The following TMEM121B variants were observed in gnomAD, a reference collection of about 807,000 sequenced individuals.
TMEM121B encodes transmembrane protein 121B.
Under a neutral mutation model 25.1 loss-of-function variants are expected in TMEM121B, and 14 were observed. That is an observed-to-expected ratio of 0.56 (90% CI 0.37 to 0.87). TMEM121B has a LOEUF of 0.87. TMEM121B is among the 40% of genes least tolerant of loss of function. TMEM121B has a pLI of 0.00. For synonymous variants in TMEM121B, 458 were observed against 420.9 expected (o/e 1.09, Z -1.08); for missense variants, 850 against 854.6 (o/e 0.99, Z 0.07).
Position 17,120,023 on chromosome 22 carries a change from C to T in TMEM121B, c.1105G>A (p.Ala369Thr), listed in dbSNP as rs2061490072. ...SVPLLYSLVR[A>T]ISEAGAPPGS... is the part of the protein sequence containing the mutation. The stretch of plus-strand genomic sequence containing the variant: ...GGGGGCGCGCCCGCCTCGCTGATGG[C>T]CCGCACCAAGCTGTAGAGCAGGGGC... Residue 369 changes from alanine (A) to threonine (T), a missense_variant, in exon 1 of 1, where the codon GCC becomes ACC. Physicochemically the swap from Ala to Thr is moderately conservative, Grantham distance 58. Coordinates refer to ENST00000331437, the MANE Select transcript of TMEM121B (RefSeq NM_031890.4). 1.9e-6 allele frequency: 3 copies of T among 1,608,038 alleles called. No individual in the cohort carries two copies. Among genetic ancestry groups the T allele is most frequent in the South Asian group, 1.1e-5 (1 of 90,962 alleles).
chr22:17,119,348 T>A lies in TMEM121B; in HGVS notation c.*43A>T, dbSNP rs1198980077. 6.5e-7 allele frequency: 1 copy of A among 1,537,234 alleles called. No individual in the cohort carries two copies. The highest frequency in any genetic ancestry group is 2.3e-5 in the Admixed American group (1 of 43,904). ...GACAGAAGGTAGAAGACAAGGGGGT[T>A]GGGGACTCTCAACCCAAAAACAAGG... On this transcript the variant is annotated 3_prime_UTR_variant, in exon 1 of 1. Transcript: ENST00000331437.
chr22:17,120,817 G>T lies in TMEM121B; in HGVS notation c.311C>A (p.Ala104Asp), dbSNP rs1044504768. The stretch of plus-strand genomic sequence containing the variant: ...GGCGACAGGCGCGGGGCCGGCGGGG[G>T]CGCCCACCTGAGCCGGCGGCCCCAG... Reference protein sequence around the residue: ...ALLGPPAQVGAPAGPAPVAFS... With the variant: ...ALLGPPAQVGDPAGPAPVAFS... Residue 104 changes from alanine (A) to aspartate (D), a missense_variant, in exon 1 of 1, where the codon GCC (alanine) becomes GAC (aspartate). Physicochemically the swap from Ala to Asp is moderately radical, Grantham distance 126. Coordinates refer to ENST00000331437, the MANE Select transcript of TMEM121B (RefSeq NM_031890.4). 6.2e-5 allele frequency: 78 copies of T among 1,250,384 alleles called. No homozygotes were observed. The highest frequency in any genetic ancestry group is 7.7e-5 in the Non-Finnish European group (77 of 999,218). 77.5% of individuals were successfully genotyped at this position (1,250,384 alleles called of 1,614,324 possible).
At position 17,118,476 on chromosome 22, in the gene TMEM121B, A is replaced by G. The variant is rs1211959505; in HGVS notation, c.*915T>C. 1 of 152,686 alleles carries G rather than the reference A, an allele frequency of 6.5e-6. No homozygotes were observed. The highest frequency in any genetic ancestry group is 1.5e-5 in the Non-Finnish European group (1 of 68,056). The allele number at this position is 152,686 out of a possible 1,614,324, so 9.5% of individuals were successfully genotyped here. Reference sequence around the variant, plus strand: ...GCCAAGCCAATGGCTGATACTCCGCAGACCCTGTAATAACACTGGCACCAA... The same window carrying G: ...GCCAAGCCAATGGCTGATACTCCGCGGACCCTGTAATAACACTGGCACCAA... On this transcript the variant is annotated 3_prime_UTR_variant, in exon 1 of 1. Coordinates refer to ENST00000331437, the MANE Select transcript of TMEM121B (RefSeq NM_031890.4).
Position 17,119,626 on chromosome 22 carries a change from A to G in TMEM121B, c.1502T>C (p.Leu501Pro), listed in dbSNP as rs2061486225. ...GCAGCCGAGGAAGAAGAGGTTCTTG[A>G]GCATGAAGATGGAGAGGGGCTGCTG... The part of the protein sequence containing the change: ...SYQQPLSIFM[L>P]KNLFFLGCRG... The change falls in exon 1 of 1, where the codon CTC (leucine) becomes CCC (proline). Residue 501 changes from leucine to proline, a missense_variant. By Grantham distance (98) the Leu-to-Pro change is moderately conservative. Transcript: ENST00000331437. 2 of 1,541,930 alleles carry G rather than the reference A, an allele frequency of 1.3e-6. No homozygotes were observed. The highest frequency in any genetic ancestry group is 1.7e-6 in the Non-Finnish European group (2 of 1,149,404).
In TMEM121B at chr22:17,119,440, C is replaced by T; in HGVS notation, c.1688G>A (p.Gly563Glu). Residue 563 changes from glycine to glutamate, a missense_variant, in exon 1 of 1, where the codon GGG (glycine) becomes GAG (glutamate). Gly to Glu is a moderately conservative substitution (Grantham distance 98). Coordinates refer to ENST00000331437, the MANE Select transcript of TMEM121B (RefSeq NM_031890.4). Reference sequence around the variant, plus strand: ...GGTGTTGACATAGCCATGAGCACCCCCCTCGTTCTCCGAGATGCAGTGGCC... The same window carrying T: ...GGTGTTGACATAGCCATGAGCACCCTCCTCGTTCTCCGAGATGCAGTGGCC... The part of the protein sequence containing the change: ...QLGHCISENE[G>E]GAHGYVNTLA... 6.2e-7 allele frequency: 1 copy of T among 1,608,806 alleles called. No individual in the cohort carries two copies. The highest frequency in any genetic ancestry group is 8.5e-7 in the Non-Finnish European group (1 of 1,177,698).
chr22:17,120,849 G>C lies in TMEM121B; in HGVS notation c.279C>G (p.Ala93=), dbSNP rs1057448017. ...LSVSKPLVPN[A]ALLGPPAQVG... is the part of the protein sequence containing the mutation. ...CCTGAGCCGGCGGCCCCAGGAGCGC[G>C]GCGTTGGGCACCAGCGGCTTGCTGA... Residue 93 remains alanine (A), a synonymous_variant, in exon 1 of 1, where the codon GCC becomes GCG. Transcript: ENST00000331437. The C allele has an allele frequency of 4.9e-5, 64 of 1,302,614 alleles. No homozygotes were observed. The highest frequency in any genetic ancestry group is 6.1e-5 in the Non-Finnish European group (63 of 1,027,842). 80.7% of individuals were successfully genotyped at this position (1,302,614 alleles called of 1,614,324 possible). A position where few individuals can be genotyped will look rare whatever the true frequency, so the allele number is the denominator to read the frequency against.
At position 17,120,213 on chromosome 22, in the gene TMEM121B, G is replaced by A. The variant is rs772374920; in HGVS notation, c.915C>T (p.Ala305=). The change falls in exon 1 of 1, where the codon GCC becomes GCT. Residue 305 remains alanine (A), a synonymous_variant. Transcript: ENST00000331437. ...CGAAGGCGAACTCGCCCGCTGCCGCGGCCGCCCCCAGGCCGCCCCCCGCGC... is the reference window on the plus strand; with the variant it reads ...CGAAGGCGAACTCGCCCGCTGCCGCAGCCGCCCCCAGGCCGCCCCCCGCGC... ...AGGAGGGLGA[A]AAAGEFAFAY... 10 of 1,479,162 alleles carry A rather than the reference G, an allele frequency of 6.8e-6. No homozygotes were observed. Among genetic ancestry groups the A allele is most frequent in the Admixed American group, 4.3e-5 (2 of 46,856 alleles). 91.6% of individuals were successfully genotyped at this position (1,479,162 alleles called of 1,614,324 possible). A position where few individuals can be genotyped will look rare whatever the true frequency, so the allele number is the denominator to read the frequency against.
chr22:17,120,587 G>C lies in TMEM121B; in HGVS notation c.541C>G (p.Pro181Ala), dbSNP rs914641222. Residue 181 changes from proline (P) to alanine (A), a missense_variant, in exon 1 of 1, where the codon CCC becomes GCC. Physicochemically the swap from Pro to Ala is conservative, Grantham distance 27 (BLOSUM62 -1). Coordinates refer to ENST00000331437, the MANE Select transcript of TMEM121B (RefSeq NM_031890.4). ...CCGCGGCGCCGACCTCTGCGGCCGGGGCGGTCTGGGCAGCCGCAGCAGCAG... is the reference window on the plus strand; with the variant it reads ...CCGCGGCGCCGACCTCTGCGGCCGGCGCGGTCTGGGCAGCCGCAGCAGCAG... ...CCCCCGCPDRPGRRGRRRGCA... is the reference protein window; with the variant it reads ...CCCCCGCPDRAGRRGRRRGCA... 3.5e-6 allele frequency: 5 copies of C among 1,429,628 alleles called. No individual in the cohort carries two copies. The African/African-American group carries it at 7.4e-5, about 21-fold the overall frequency. 88.6% of individuals were successfully genotyped at this position (1,429,628 alleles called of 1,614,324 possible).
rs752897099 is a variant in TMEM121B at position 17,120,968 on chromosome 22, GGCTGGTGCTGGT to G, written c.148_159del (p.Thr50_Ser53del). On this transcript the variant is annotated inframe_deletion, in exon 1 of 1. Transcript: ENST00000331437. ...CCGCGTCTGCCGCCGCCTCCCCCGC[GGCTGGTGCTGGT>G]GCTGGTGCTGCTGTCGCCGGAGCCT... The G allele has an allele frequency of 1.1e-5, 16 of 1,429,422 alleles. No individual in the cohort carries two copies. In the African/African-American group the frequency reaches 2.2e-4, roughly 20 times the overall value. The allele number at this position is 1,429,422 out of a possible 1,614,324, so 88.5% of individuals were successfully genotyped here.
rs2061490843 is a variant in TMEM121B, at chr22:17,120,114, T to C, written c.1014A>G (p.Leu338=). ...KVVLILGTSI[L]DLIELRAPFG... ...AGGGCGCGCGTAGCTCGATGAGGTC[T>C]AGGATGGACGTGCCCAGGATCAGCA... Residue 338 remains leucine, a synonymous_variant, in exon 1 of 1, where the codon CTA becomes CTG. Transcript: ENST00000331437. 6.2e-7 allele frequency: 1 copy of C among 1,611,524 alleles called. No individual in the cohort carries two copies. The highest frequency in any genetic ancestry group is 8.5e-7 in the Non-Finnish European group (1 of 1,179,584).
rs2061476940 is a variant in TMEM121B at position 17,117,797 on chromosome 22, C to T, written c.*1594G>A. The T allele has an allele frequency of 2.0e-5, 3 of 152,186 alleles. No homozygotes were observed. The South Asian group carries it at 6.2e-4, about 31-fold the overall frequency. 9.4% of individuals were successfully genotyped at this position (152,186 alleles called of 1,614,324 possible). ...AAATTACCTTCAACCTTAGAGATCA[C>T]TCATCTAACTTCTACTTTTTTAATG... is the stretch of plus-strand genomic sequence containing the variant. On this transcript the variant is annotated 3_prime_UTR_variant, in exon 1 of 1. Transcript: ENST00000331437.
rs776148578 is a variant in TMEM121B at position 17,119,991 on chromosome 22, C to G, written c.1137G>C (p.Ser379=). ...GGGGCTGCAGCAGCAGGGGTCCTGC[C>G]GATCCCGGGGGCGCGCCCGCCTCGC... ...AISEAGAPPG[S]AGPLLLQPQR... The change falls in exon 1 of 1, where the codon TCG becomes TCC. Residue 379 remains serine, a synonymous_variant. Transcript: ENST00000331437. 1.9e-6 allele frequency: 3 copies of G among 1,596,408 alleles called. No individual in the cohort carries two copies. The highest frequency in any genetic ancestry group is 1.1e-5 in the South Asian group (1 of 90,156).
rs1286215548 is a variant in TMEM121B, at chr22:17,117,116, T to A, written c.*2275A>T. On this transcript the variant is annotated 3_prime_UTR_variant, in exon 1 of 1. Coordinates refer to ENST00000331437, the MANE Select transcript of TMEM121B (RefSeq NM_031890.4). Reference sequence around the variant, plus strand: ...TCCTTTCACAGTCACTGAGATTAGGTAGCAGAGAAACACAGCAAAGCTGGA... The same window carrying A: ...TCCTTTCACAGTCACTGAGATTAGGAAGCAGAGAAACACAGCAAAGCTGGA... 4 of 152,570 alleles carry A rather than the reference T, an allele frequency of 2.6e-5. No individual in the cohort carries two copies. The highest frequency in any genetic ancestry group is 5.9e-5 in the Non-Finnish European group (4 of 68,070). 9.5% of individuals were successfully genotyped at this position (152,570 alleles called of 1,614,324 possible).
rs1410685856 is a variant in TMEM121B at position 17,120,029 on chromosome 22, C to T, written c.1099G>A (p.Val367Met). The T allele has an allele frequency of 1.2e-6, 2 of 1,609,126 alleles. No individual in the cohort carries two copies. Among genetic ancestry groups the T allele is most frequent in the South Asian group, 2.2e-5 (2 of 91,012 alleles). ...GCGCCCGCCTCGCTGATGGCCCGCA[C>T]CAAGCTGTAGAGCAGGGGCACCGAC... Reference protein sequence around the residue: ...ALSVPLLYSLVRAISEAGAPP... With the variant: ...ALSVPLLYSLMRAISEAGAPP... Residue 367 changes from valine (V) to methionine (M), a missense_variant, in exon 1 of 1, where the codon GTG becomes ATG. Transcript: ENST00000331437.
rs1250853637 is a variant in TMEM121B at position 17,116,629 on chromosome 22, T to A, written c.*2762A>T. On this transcript the variant is annotated 3_prime_UTR_variant, in exon 1 of 1. Transcript: ENST00000331437. ...CTGTGAACCATGCACGTGCTGGCAC[T>A]GGCCTCAGGAGACAGTGCCCTGCCT... 1.3e-5 allele frequency: 2 copies of A among 152,264 alleles called. No homozygotes were observed. Among genetic ancestry groups the A allele is most frequent in the Non-Finnish European group, 2.9e-5 (2 of 68,050 alleles). 9.4% of individuals were successfully genotyped at this position (152,264 alleles called of 1,614,324 possible).
chr22:17,120,533 C>A lies in TMEM121B; in HGVS notation c.595G>T (p.Gly199Cys). 6.5e-7 allele frequency: 1 copy of A among 1,549,824 alleles called. No individual in the cohort carries two copies. The highest frequency in any genetic ancestry group is 8.7e-7 in the Non-Finnish European group (1 of 1,154,314). ...AGCACCACGGACAGCGCCTGGTAGC[C>A]CCAGCGGCACCTGGGACTGGGGGCG... is the stretch of plus-strand genomic sequence containing the variant. The part of the protein sequence containing the change: ...GCAPSPRCRW[G>C]YQALSVVLLL... Residue 199 changes from glycine (G) to cysteine (C), a missense_variant, in exon 1 of 1, where the codon GGC becomes TGC. Coordinates refer to ENST00000331437, the MANE Select transcript of TMEM121B (RefSeq NM_031890.4).
In TMEM121B at chr22:17,119,736, G is replaced by C; in HGVS notation, c.1392C>G (p.Ser464Arg). ...ASWGQASGPG[S>R]CSRLLRLLGG... is the part of the protein sequence containing the mutation. ...CCAGCAGGCGCAGAAGGCGGCTGCA[G>C]CTGCCAGGCCCGGAGGCCTGGCCCC... The change falls in exon 1 of 1, where the codon AGC (serine) becomes AGG (arginine). Residue 464 changes from serine (S) to arginine (R), a missense_variant. Coordinates refer to ENST00000331437, the MANE Select transcript of TMEM121B (RefSeq NM_031890.4). 1 of 1,546,612 alleles carries C rather than the reference G, an allele frequency of 6.5e-7. No individual in the cohort carries two copies. Among genetic ancestry groups the C allele is most frequent in the Non-Finnish European group, 8.7e-7 (1 of 1,153,320 alleles).
Position 17,119,378 on chromosome 22 carries a change from G to T in TMEM121B, c.*13C>A. ...ACTCTCAACCCAAAAACAAGGACCCGTGCCCTTCACCCTCAATTCTGAGAG... is the reference window on the plus strand; with the variant it reads ...ACTCTCAACCCAAAAACAAGGACCCTTGCCCTTCACCCTCAATTCTGAGAG... On this transcript the variant is annotated 3_prime_UTR_variant, in exon 1 of 1. Coordinates refer to ENST00000331437, the MANE Select transcript of TMEM121B (RefSeq NM_031890.4). 1 of 1,579,578 alleles carries T rather than the reference G, an allele frequency of 6.3e-7. No homozygotes were observed. The highest frequency in any genetic ancestry group is 8.6e-7 in the Non-Finnish European group (1 of 1,164,348).
rs1339149405 is a variant in TMEM121B, at chr22:17,117,965, G to C, written c.*1426C>G. ...TTCCCAAACGTAAGAAGGGAGAAGG[G>C]GAAACAAAAATTCTTCAAGTTTCAC... On this transcript the variant is annotated 3_prime_UTR_variant, in exon 1 of 1. Coordinates refer to ENST00000331437, the MANE Select transcript of TMEM121B (RefSeq NM_031890.4). 6.6e-6 allele frequency: 1 copy of C among 152,118 alleles called. No homozygotes were observed. The highest frequency in any genetic ancestry group is 1.5e-5 in the Non-Finnish European group (1 of 68,028). The allele number at this position is 152,118 out of a possible 1,614,324, so 9.4% of individuals were successfully genotyped here.
Sources: allele counts gnomAD v4.1 joint callset, GRCh38; gene constraint gnomAD v4.1.1; transcripts MANE v1.5; gene names NCBI Gene and HGNC (gene_info 2026-07-23, HGNC 2026-07-21).